ELAPOR1: variants seen among roughly 807,000 people sequenced by gnomAD.
The protein encoded by ELAPOR1 is endosome-lysosome associated apoptosis and autophagy regulator 1.
ELAPOR1 carries 77 observed loss-of-function variants against 119.7 expected under a neutral mutation model. That is an observed-to-expected ratio of 0.64 (90% CI 0.54 to 0.78). The LOEUF (loss-of-function observed/expected upper bound fraction) is 0.78, where lower values mean the gene tolerates loss of function less well. Ranked by LOEUF, ELAPOR1 falls within the 30% of genes least tolerant of loss-of-function variation. The probability of loss-of-function intolerance (pLI) is 0.00; values close to 1 mark genes in which losing one functional copy is unlikely to be tolerated. For synonymous variants in ELAPOR1, 481 were observed against 487.2 expected (o/e 0.99, Z 0.17); for missense variants, 1,115 against 1,270.4 (o/e 0.88, Z 1.86).
intron 1 of ELAPOR1, among the ~76,000 whole-genome samples, chr1:109,133,491 A>G (rs544634692): frequency 1.3e-4 from 20 of 152,350 alleles, no homozygotes; most frequent in African/African-American, 4.6e-4. Context: ...GACAAGCAAC[A>G]TTAGAGGAAG....
At chr1:109,198,099 T>C (rs1401634473) in intron 17 of ELAPOR1, 24 bp downstream of exon 17, 13 of 1,573,572 alleles carry the variant, frequency 8.3e-6, no homozygotes, top group Non-Finnish European at 1.0e-5. Context: ...GCTAGGCTAA[T>C]GCAAGTGAAA....
At chr1:109,141,262 T>C (rs1340809386) in intron 1 of ELAPOR1, among the ~76,000 whole-genome samples, 3 of 146,498 alleles carry the variant, frequency 2.0e-5, no homozygotes, top group Non-Finnish European at 4.5e-5. Flanking sequence ...GAAAGTATTA[T>C]TAATTAATTT....
intron 12 of ELAPOR1, 93 bp downstream of exon 12, chr1:109,191,564 C>A: frequency 7.3e-7 from 1 of 1,378,172 alleles, no homozygotes; most frequent in Non-Finnish European, 1.0e-6. Context: ...GACACCCCCC[C>A]TTGTAGTGAT....
chr1:109,199,828 C>T (rs1196277779), intron 18 of ELAPOR1, 26 bp from the exon 19 acceptor site: 1 of 1,606,608 alleles, frequency 6.2e-7, no homozygotes, highest in Non-Finnish European at 8.5e-7. Context: ...CGAGTGAGAG[C>T]TCAGGTCTCT....
intron 18 of ELAPOR1, 106 bp downstream of exon 18, chr1:109,198,780 G>C: frequency 9.8e-7 from 1 of 1,017,086 alleles, no homozygotes; most frequent in Non-Finnish European, 1.5e-6. Flanking sequence ...AAGAGTTTGA[G>C]ATCCATTAAT....
Position 109,200,788 on chromosome 1 carries a change from ACCTG to A in ELAPOR1, c.2864_2867del (p.Leu955GlnfsTer14), listed in dbSNP as rs1654119710. On this transcript the variant is annotated frameshift_variant, in exon 21 of 22. Coordinates refer to ENST00000369939, the MANE Select transcript of ELAPOR1 (RefSeq NM_020775.5). LOFTEE classifies it high-confidence loss of function. ...ATGAATGCTACTCTCAAGGACTGTG[ACCTG>A]CCAGCAGCTGACAGCTGCGCCATCA... The A allele has an allele frequency of 6.2e-7, 1 of 1,614,076 alleles. No homozygotes were observed. The highest frequency in any genetic ancestry group is 1.3e-5 in the African/African-American group (1 of 74,924).
At chr1:109,183,260 G>A (rs1281479333) in intron 7 of ELAPOR1, among the ~76,000 whole-genome samples, 3 of 149,816 alleles carry the variant, frequency 2.0e-5, no homozygotes, top group Non-Finnish European at 3.0e-5. Flanking sequence ...GGTGGCTGAG[G>A]TGGGAGGATT....
intron 1 of ELAPOR1, among the ~76,000 whole-genome samples, chr1:109,118,171 A>C (rs1648147764): frequency 6.6e-6 from 1 of 152,104 alleles, no homozygotes; most frequent in South Asian, 2.1e-4. Context: ...TAATTCAAAC[A>C]GTTGGCACTT....
chr1:109,171,537 G>A (rs901769829), intron 3 of ELAPOR1, among the ~76,000 whole-genome samples: 3 of 151,912 alleles, frequency 2.0e-5, no homozygotes, highest in Non-Finnish European at 2.9e-5. Context: ...GGGAGACAGA[G>A]CGAGACTCTG....
At chr1:109,202,404 G>A (rs1654231225) in intron 21 of ELAPOR1, among the ~76,000 whole-genome samples, 1 of 150,720 alleles carries the variant, frequency 6.6e-6, no homozygotes, top group Admixed American at 6.6e-5. Flanking sequence ...ACAGGTGTGA[G>A]CCACTGTGCC....
intron 1 of ELAPOR1, among the ~76,000 whole-genome samples, chr1:109,119,382 C>G (rs1156380179): frequency 6.8e-6 from 1 of 146,310 alleles, no homozygotes; most frequent in Non-Finnish European, 1.5e-5. Flanking sequence ...CAGGGTTTCT[C>G]CATGTTGCCC....
intron 7 of ELAPOR1, among the ~76,000 whole-genome samples, chr1:109,174,754 C>T (rs1035954816): frequency 4.6e-5 from 7 of 151,468 alleles, no homozygotes; most frequent in Non-Finnish European, 8.8e-5. Context: ...CTTTCTCTGT[C>T]GCCCAGGCTG....
intron 3 of ELAPOR1, among the ~76,000 whole-genome samples, chr1:109,168,960 A>G (rs1316574812): frequency 6.6e-6 from 1 of 152,212 alleles, no homozygotes; most frequent in Non-Finnish European, 1.5e-5. Flanking sequence ...ATTATGATGC[A>G]TTTTGCAAAT....
intron 10 of ELAPOR1, 131 bp downstream of exon 10, chr1:109,189,325 T>C (rs2101107131): frequency 8.4e-7 from 1 of 1,184,924 alleles, no homozygotes; most frequent in Non-Finnish European, 1.2e-6. Context: ...CCTTGAAAGT[T>C]CCACTCCTCA....
intron 11 of ELAPOR1, 90 bp from the exon 12 acceptor site, chr1:109,191,276 T>C (rs1474439385): frequency 3.6e-6 from 3 of 837,758 alleles, no homozygotes; most frequent in Admixed American, 4.3e-5. Flanking sequence ...AACTTAACCC[T>C]GTCCCCCAGC....
Sources: allele counts gnomAD v4.1 joint callset (sites outside exome capture counted in the v4.1 genomes callset), GRCh38; gene constraint gnomAD v4.1.1; transcripts MANE v1.5; gene names NCBI Gene and HGNC (gene_info 2026-07-23, HGNC 2026-07-21).